NLGN1: variants seen among roughly 807,000 people sequenced by gnomAD.
NLGN1 encodes neuroligin-1.
NLGN1 carries 12 observed loss-of-function variants against 65.5 expected under a neutral mutation model. The ratio of observed to expected loss-of-function variants is 0.18; its 90% CI spans 0.12 to 0.30. The LOEUF (loss-of-function observed/expected upper bound fraction) is 0.30, where lower values mean the gene tolerates loss of function less well. NLGN1 is among the 10% of genes least tolerant of loss of function. The pLI is 1.00. For synonymous variants in NLGN1, 350 were observed against 359.5 expected (o/e 0.97, Z 0.30); for missense variants, 750 against 1,007.1 (o/e 0.74, Z 3.46).
chr3:173,787,050 C>T (rs1034929750), intron 3 of NLGN1, among the ~76,000 whole-genome samples: 2 of 147,640 alleles, frequency 1.4e-5, no homozygotes, highest in Non-Finnish European at 3.0e-5. Flanking sequence ...GCCCTCCAGT[C>T]TGGGAAACAA....
chr3:174,248,797 C>T (rs568273398), intron 4 of NLGN1, among the ~76,000 whole-genome samples: 1 of 152,208 alleles, frequency 6.6e-6, no homozygotes, highest in Admixed American at 6.5e-5. Context: ...GTTGGAGCTA[C>T]AGCTCTATAA....
intron 2 of NLGN1, among the ~76,000 whole-genome samples, chr3:173,497,162 T>A (rs373890309): frequency 1.3e-5 from 2 of 151,958 alleles, no homozygotes; most frequent in East Asian, 1.9e-4. Context: ...GGCGGGCAGA[T>A]CACCTGAGGT....
intron 4 of NLGN1, among the ~76,000 whole-genome samples, chr3:174,177,267 G>A (rs934264221): frequency 3.3e-5 from 5 of 152,004 alleles, no homozygotes; most frequent in African/African-American, 1.2e-4. Flanking sequence ...GGTATTATAG[G>A]TACTTTTTCT....
chr3:174,112,229 G>A (rs1456786696), intron 4 of NLGN1, among the ~76,000 whole-genome samples: 3 of 151,828 alleles, frequency 2.0e-5, no homozygotes, highest in Admixed American at 6.6e-5. Context: ...ACTTTACAAG[G>A]TTGAAATGTC....
intron 4 of NLGN1, among the ~76,000 whole-genome samples, chr3:173,958,080 C>T (rs1712562122): frequency 6.6e-6 from 1 of 152,156 alleles, no homozygotes; most frequent in Admixed American, 6.5e-5. Flanking sequence ...CTGCAGAGCC[C>T]CAAACAAGGT....
At chr3:173,721,847 A>G (rs759227953) in intron 3 of NLGN1, among the ~76,000 whole-genome samples, 3 of 152,096 alleles carry the variant, frequency 2.0e-5, no homozygotes, top group East Asian at 1.9e-4. Flanking sequence ...GAATTGGGAA[A>G]GTGGCCCCCA....
intron 4 of NLGN1, among the ~76,000 whole-genome samples, chr3:174,063,797 A>G (rs1737903608): frequency 6.6e-6 from 1 of 152,182 alleles, no homozygotes; most frequent in Non-Finnish European, 1.5e-5. Flanking sequence ...CATGTATTGC[A>G]TTAGTCTTTT....
intron 4 of NLGN1, among the ~76,000 whole-genome samples, chr3:174,023,522 T>C (rs1728194616): frequency 6.6e-6 from 1 of 152,138 alleles, no homozygotes; most frequent in African/African-American, 2.4e-5. Context: ...AGGGGATTAA[T>C]TCCCATTCCT....
intron 2 of NLGN1, among the ~76,000 whole-genome samples, chr3:173,489,058 T>C (rs1175252920): frequency 6.6e-6 from 1 of 151,888 alleles, no homozygotes; most frequent in African/African-American, 2.4e-5. Flanking sequence ...TCTCAGCCTT[T>C]TTCTTTTTCT....
intron 4 of NLGN1, among the ~76,000 whole-genome samples, chr3:173,921,205 A>G (rs1183844068): frequency 2.9e-5 from 4 of 139,906 alleles, no homozygotes; most frequent in South Asian, 2.2e-4. Context: ...TATATGTAGT[A>G]TATATAATAT....
chr3:174,164,855 CTG>C (rs1727210077), intron 4 of NLGN1, among the ~76,000 whole-genome samples: 1 of 151,860 alleles, frequency 6.6e-6, no homozygotes, highest in African/African-American at 2.4e-5. Flanking sequence ...CATTCCAATG[CTG>C]TGTAAAATGA....
At chr3:173,918,655 TAC>T (rs1741253509) in intron 4 of NLGN1, among the ~76,000 whole-genome samples, 1 of 104,892 alleles carries the variant, frequency 9.5e-6, no homozygotes, top group Non-Finnish European at 1.9e-5. Flanking sequence ...AAAAAAGAAA[TAC>T]ATATGTGTGT....
intron 2 of NLGN1, among the ~76,000 whole-genome samples, chr3:173,572,881 C>T (rs1744873860): frequency 6.6e-6 from 1 of 152,108 alleles, no homozygotes; most frequent in African/African-American, 2.4e-5. Flanking sequence ...CACTGTATCT[C>T]ACTACAAGGA....
chr3:174,222,333 C>A (rs1300000500), intron 4 of NLGN1, among the ~76,000 whole-genome samples: 2 of 152,020 alleles, frequency 1.3e-5, no homozygotes, highest in Non-Finnish European at 2.9e-5. Context: ...GCAAATACTT[C>A]AACTAACAAA....
At chr3:173,821,117 T>G (rs1221868215) in intron 4 of NLGN1, among the ~76,000 whole-genome samples, 3 of 152,162 alleles carry the variant, frequency 2.0e-5, no homozygotes, top group Non-Finnish European at 2.9e-5. Context: ...ATGGAACAAA[T>G]GACATTTCTC....
chr3:173,873,000 G>A (rs999490247), intron 4 of NLGN1, among the ~76,000 whole-genome samples: 1 of 151,926 alleles, frequency 6.6e-6, no homozygotes. Context: ...TAATTACTGT[G>A]GAATGTCCCC....
the NLGN1 span, among the ~76,000 whole-genome samples, chr3:174,293,909 T>G: frequency 4.6e-5 from 7 of 151,632 alleles, no homozygotes; most frequent in Non-Finnish European, 3.0e-5. Context: ...AAACTATTAA[T>G]GCAGAGAAAA....
chr3:173,617,976 C>T (rs919263307), intron 3 of NLGN1, among the ~76,000 whole-genome samples: 4 of 152,024 alleles, frequency 2.6e-5, no homozygotes, highest in Non-Finnish European at 4.4e-5. Context: ...TTCTTGCTAA[C>T]GTTTTCTCCA....
chr3:173,675,747 G>A (rs975995227), intron 3 of NLGN1, among the ~76,000 whole-genome samples: 1 of 151,958 alleles, frequency 6.6e-6, no homozygotes, highest in Non-Finnish European at 1.5e-5. Flanking sequence ...ATCTTTATTG[G>A]TGATGGAACT....
Sources: gnomAD v4.1 joint callset for allele counts (sites outside exome capture counted in the v4.1 genomes callset) on GRCh38, gnomAD v4.1.1 for gene constraint, MANE v1.5 for transcripts, NCBI Gene and HGNC (gene_info 2026-07-23, HGNC 2026-07-21) for gene names.